The following NCBP2 variants were observed in gnomAD, a reference collection of about 807,000 sequenced individuals.
NCBP2 encodes the protein nuclear cap binding protein subunit 2.
In NCBP2, 8 loss-of-function variants were observed where a neutral mutation model predicts 21.5. That is an observed-to-expected ratio of 0.37 (90% CI 0.22 to 0.67). The LOEUF (loss-of-function observed/expected upper bound fraction) is 0.67. Among genes scored for constraint, NCBP2 ranks in the 30% least tolerant of loss-of-function variants. The probability of loss-of-function intolerance (pLI) is 0.56; values close to 1 mark genes in which losing one functional copy is unlikely to be tolerated. For missense variants in NCBP2, 127 were observed against 206.9 expected, an observed-to-expected ratio of 0.61 and a Z score of 2.37; for synonymous variants, 92 against 75.8, an observed-to-expected ratio of 1.21 and a Z score of -1.11.
Position 196,937,637 on chromosome 3 carries a change from CGT to C in NCBP2, c.270_271del (p.Ala92ArgfsTer16). 1.2e-6 allele frequency: 2 copies of C among 1,614,092 alleles called. No individual in the cohort carries two copies. The highest frequency in any genetic ancestry group is 1.1e-5 in the South Asian group (1 of 91,084). The stretch of plus-strand genomic sequence containing the variant: ...CCGCATGGCGTTTTCCGCATCTGCG[CGT>C]GAGTAATATCTTAAGTATTAAGGAA... On this transcript the variant is annotated frameshift_variant, in exon 3 of 4. Transcript: ENST00000321256. LOFTEE classifies it high-confidence loss of function.
In NCBP2 at chr3:196,936,250, A is replaced by G. The variant is rs1010357401; in HGVS notation, c.*761T>C. 1.3e-5 allele frequency: 2 copies of G among 152,154 alleles called. No homozygotes were observed. Among genetic ancestry groups the G allele is most frequent in the Admixed American group, 6.5e-5 (1 of 15,276 alleles). 9.4% of individuals were successfully genotyped at this position (152,154 alleles called of 1,614,324 possible). ...TAGTAAATACTCAAGTTCTGGCCTC[A>G]TTTCCTGATGTATGAAGCATGGAAG... On this transcript the variant is annotated 3_prime_UTR_variant, in exon 4 of 4. Transcript: ENST00000321256.
In NCBP2 at chr3:196,939,319, A is replaced by C. The variant is rs1716417149; in HGVS notation, c.192T>G (p.Gly64=). Residue 64 remains glycine, a synonymous_variant, in exon 2 of 4, where the codon GGT becomes GGG. Coordinates refer to ENST00000321256, the MANE Select transcript of NCBP2 (RefSeq NM_007362.5). Reference sequence around the variant, plus strand: ...GACCCATAATGATTTTCTTTATGTCACCACTTTTGCTGAAGAGTTCATAGA... The same window carrying C: ...GACCCATAATGATTTTCTTTATGTCCCCACTTTTGCTGAAGAGTTCATAGA... ...EQIYELFSKS[G]DIKKIIMGLD... 6.2e-7 allele frequency: 1 copy of C among 1,613,550 alleles called. No homozygotes were observed. The highest frequency in any genetic ancestry group is 8.5e-7 in the Non-Finnish European group (1 of 1,179,564).
At position 196,937,630 on chromosome 3, in the gene NCBP2, A is replaced by C; in HGVS notation, c.279T>G (p.Asp93Glu). The C allele has an allele frequency of 1.2e-6, 2 of 1,614,198 alleles. No individual in the cohort carries two copies. Among genetic ancestry groups the C allele is most frequent in the Non-Finnish European group, 1.7e-6 (2 of 1,180,048 alleles). ...FCFVEYYSRA[D>E]AENAMRYING... is the part of the protein sequence containing the mutation. ...TTATGTACCGCATGGCGTTTTCCGC[A>C]TCTGCGCGTGAGTAATATCTTAAGT... is the stretch of plus-strand genomic sequence containing the variant. The change falls in exon 3 of 4, where the codon GAT becomes GAG. Residue 93 changes from aspartate (D) to glutamate (E), a missense_variant. Physicochemically the swap from Asp to Glu is conservative, Grantham distance 45. Coordinates refer to ENST00000321256, the MANE Select transcript of NCBP2 (RefSeq NM_007362.5).
In NCBP2 at chr3:196,937,757, T is replaced by G. The variant is rs945145830; in HGVS notation, c.261-109A>C. On this transcript the variant is annotated intron_variant, in intron 2 of 3. Coordinates refer to ENST00000321256, the MANE Select transcript of NCBP2 (RefSeq NM_007362.5). ...AAGTACAAGAGCTAATCCAACCAGA[T>G]GGAGTTCAAAGACAGTAATTCAGCT... 2.2e-6 allele frequency: 3 copies of G among 1,384,250 alleles called. No homozygotes were observed. The South Asian group carries it at 3.8e-5, about 18-fold the overall frequency. 85.7% of individuals were successfully genotyped at this position (1,384,250 alleles called of 1,614,324 possible).
chr3:196,938,068 A>C (rs1716350522), intron 2 of NCBP2: 1 of 159,788 alleles, frequency 6.3e-6, no homozygotes, highest in Non-Finnish European at 1.4e-5. Flanking sequence ...TCAAGCTGTC[A>C]CCAAGGTAGC....
chr3:196,937,677 T>C lies in NCBP2; in HGVS notation c.261-29A>G, dbSNP rs1444493020. 5 of 1,610,042 alleles carry C rather than the reference T, an allele frequency of 3.1e-6. No individual in the cohort carries two copies. The African/African-American group carries it at 4.0e-5, about 13-fold the overall frequency. ...AAGTATTAAGGAACACTAGCATTTT[T>C]CCAAACATTTCTGGAAATAGGGGAA... On this transcript the variant is annotated intron_variant, in intron 2 of 3. Transcript: ENST00000321256.
chr3:196,939,559 G>C (rs2108881120), intron 1 of NCBP2, 127 bp from the exon 2 acceptor site: 1 of 766,616 alleles, frequency 1.3e-6, no homozygotes, highest in African/African-American at 1.8e-5. Context: ...CAGCCTACCA[G>C]AAATCCCTTG....
At chr3:196,942,308 C>T (rs1032537801) in intron 1 of NCBP2, 118 bp downstream of exon 1, 1 of 1,526,802 alleles carries the variant, frequency 6.5e-7, no homozygotes, top group Non-Finnish European at 8.8e-7. Flanking sequence ...GGCACCGGGG[C>T]CCCACTTGGC....
intron 1 of NCBP2, among the ~76,000 whole-genome samples, 162 bp from the exon 2 acceptor site, chr3:196,939,594 C>T (rs1200180387): frequency 6.6e-6 from 1 of 152,226 alleles, no homozygotes; most frequent in Non-Finnish European, 1.5e-5. Context: ...TGTCGACCTT[C>T]TGTGAAGCAC....
At chr3:196,938,557 G>A (rs1027217687) in intron 2 of NCBP2, 1 of 152,184 alleles carries the variant, frequency 6.6e-6, no homozygotes, top group Non-Finnish European at 1.5e-5. Context: ...AATGATCAAA[G>A]TAAATAGTTT....
At chr3:196,937,300 A>G in intron 3 of NCBP2, 1 of 803,856 alleles carries the variant, frequency 1.2e-6, no homozygotes, top group South Asian at 1.8e-5. Flanking sequence ...AAGTTCAAGA[A>G]TGGTTGCTTG....
intron 2 of NCBP2, 104 bp downstream of exon 2, chr3:196,939,143 AGGAG>A (rs1222689945): frequency 2.2e-6 from 2 of 891,710 alleles, no homozygotes; most frequent in Non-Finnish European, 3.6e-6. Flanking sequence ...GGTGGAAAGT[AGGAG>A]GGAGATGAAG....
In NCBP2 at chr3:196,939,323, C is replaced by CT; in HGVS notation, c.187dup (p.Ser63LysfsTer3). The stretch of plus-strand genomic sequence containing the variant: ...CATAATGATTTTCTTTATGTCACCA[C>CT]TTTTGCTGAAGAGTTCATAGATTTG... On this transcript the variant is annotated frameshift_variant, in exon 2 of 4. Coordinates refer to ENST00000321256, the MANE Select transcript of NCBP2 (RefSeq NM_007362.5). LOFTEE classifies it high-confidence loss of function. 6.2e-7 allele frequency: 1 copy of CT among 1,613,688 alleles called. No individual in the cohort carries two copies. The highest frequency in any genetic ancestry group is 8.5e-7 in the Non-Finnish European group (1 of 1,179,582).
At chr3:196,942,087 C>T (rs1716614246) in intron 1 of NCBP2, 6 of 1,505,162 alleles carry the variant, frequency 4.0e-6, no homozygotes, top group Middle Eastern at 2.2e-4. Flanking sequence ...GGCACCCCTC[C>T]CCCTTGCTAC....
At position 196,942,480 on chromosome 3, in the gene NCBP2, C is replaced by G; in HGVS notation, c.24G>C (p.Ala8=). 1 of 1,613,228 alleles carries G rather than the reference C, an allele frequency of 6.2e-7. No individual in the cohort carries two copies. The highest frequency in any genetic ancestry group is 8.5e-7 in the Non-Finnish European group (1 of 1,179,904). ...GCTCCACGTAGGAGTCGCTGCGCAG[C>G]GCCTTCAGGAGGCCACCCGACATAG... The part of the protein sequence containing the change: MSGGLLK[A]LRSDSYVELS... Residue 8 remains alanine (A), a synonymous_variant, in exon 1 of 4, where the codon GCG becomes GCC. Coordinates refer to ENST00000321256, the MANE Select transcript of NCBP2 (RefSeq NM_007362.5).
intron 2 of NCBP2, chr3:196,939,006 ATTTTT>A (rs57844817): frequency 2.5e-5 from 8 of 318,020 alleles, no homozygotes; most frequent in Middle Eastern, 7.9e-4. Context: ...ATTCTTTGGA[ATTTTT>A]TTTTTTTTAC....
At chr3:196,939,200 T>A (rs1378848862) in intron 2 of NCBP2, 51 bp downstream of exon 2, 18 of 1,532,434 alleles carry the variant, frequency 1.2e-5, no homozygotes, top group Non-Finnish European at 1.6e-5. Context: ...GAGCTACCAC[T>A]CTCAGCTCTA....
chr3:196,940,993 CT>C (rs1560171024), intron 1 of NCBP2: 2 of 152,216 alleles, frequency 1.3e-5, no homozygotes, highest in African/African-American at 2.4e-5. Context: ...GGTAGGATCA[CT>C]TAGGCTCAGG....
intron 2 of NCBP2, chr3:196,937,918 AAGTTT>A: frequency 2.3e-6 from 1 of 440,722 alleles, no homozygotes; most frequent in Non-Finnish European, 4.2e-6. Context: ...TTTGGTTTGC[AAGTTT>A]AGATCACTGT....
Sources: allele counts gnomAD v4.1 joint callset (sites outside exome capture counted in the v4.1 genomes callset), GRCh38; gene constraint gnomAD v4.1.1; transcripts MANE v1.5; gene names NCBI Gene and HGNC (gene_info 2026-07-23, HGNC 2026-07-21).